The following SMAD7 variants were observed in gnomAD, a reference collection of about 807,000 sequenced individuals.
The protein encoded by SMAD7 is MAD (mothers against decapentaplegic, Drosophila) homolog 7.
Under a neutral mutation model 38.7 loss-of-function variants are expected in SMAD7, and 8 were observed. That is an observed-to-expected ratio of 0.21 (90% CI 0.12 to 0.37). The LOEUF (loss-of-function observed/expected upper bound fraction) is 0.37, where lower values mean the gene tolerates loss of function less well. SMAD7 is among the 10% of genes least tolerant of loss of function. The probability of loss-of-function intolerance (pLI) is 1.00; values close to 1 mark genes in which losing one functional copy is unlikely to be tolerated. For missense variants in SMAD7, 477 were observed against 577.9 expected (o/e 0.83, Z 1.79); for synonymous variants, 327 against 265.1 (o/e 1.23, Z -2.27).
intron 2 of SMAD7, among the ~76,000 whole-genome samples, chr18:48,946,710 C>T (rs1371802893): frequency 6.6e-6 from 1 of 152,194 alleles, no homozygotes; most frequent in Non-Finnish European, 1.5e-5. Context: ...TGTTTACACA[C>T]ATTTTGCTAC....
intron 3 of SMAD7, among the ~76,000 whole-genome samples, chr18:48,930,395 A>AACT (rs879814050): frequency 7.9e-5 from 12 of 152,122 alleles, no homozygotes; most frequent in Middle Eastern, 6.8e-3. Context: ...ACCTCCAGTT[A>AACT]GGAGGTCAAG....
chr18:48,938,425 C>T lies in SMAD7; in HGVS notation c.742+4056G>A, dbSNP rs1201769179. ...AGTTTCCCAGGACACGTGAGCACTT[C>T]TGTCTCCACTGCCTCCTACCTCCCT... On this transcript the variant is annotated intron_variant, in intron 3 of 3. Transcript: ENST00000262158. Among the ~76,000 whole-genome samples the T allele has an allele frequency of 2.0e-5, 3 of 152,238 alleles. No homozygotes were observed. In the East Asian group the frequency reaches 5.8e-4, roughly 29 times the overall value.
At position 48,920,144 on chromosome 18, in the gene SMAD7, G is replaced by C. The variant is rs1035231577; in HGVS notation, c.*1228C>G. ...CATTTTTTTCTTTAATAAATCTCAG[G>C]TTTTTTTTCAGGAGTCCTTTCTCTC... On this transcript the variant is annotated 3_prime_UTR_variant, in exon 4 of 4. Coordinates refer to ENST00000262158, the MANE Select transcript of SMAD7 (RefSeq NM_005904.4). 2.6e-5 allele frequency: 4 copies of C among 151,292 alleles called. No individual in the cohort carries two copies. Among genetic ancestry groups the C allele is most frequent in the African/African-American group, 9.8e-5 (4 of 41,000 alleles). The allele number at this position is 151,292 out of a possible 1,614,324, so 9.4% of individuals were successfully genotyped here. A position where few individuals can be genotyped will look rare whatever the true frequency, so the allele number is the denominator to read the frequency against.
Position 48,921,832 on chromosome 18 carries a change from C to T in SMAD7, c.821G>A (p.Gly274Glu). Residue 274 changes from glycine to glutamate, a missense_variant, in exon 4 of 4, where the codon GGG becomes GAG. Transcript: ENST00000262158. The surrounding 1 kb of genome is among the most constrained non-coding windows in gnomAD (Gnocchi z 6.4). The stretch of plus-strand genomic sequence containing the variant: ...GGGCTCCTGGACACAGTAGAGCCTC[C>T]CCACTCTCGTCTTCTCCTCCCAGTA... ...VAYWEEKTRV[G>E]RLYCVQEPSL... 6.2e-7 allele frequency: 1 copy of T among 1,613,918 alleles called. No individual in the cohort carries two copies. The highest frequency in any genetic ancestry group is 8.5e-7 in the Non-Finnish European group (1 of 1,179,950).
rs961036154 is a variant in SMAD7, at chr18:48,920,970, G to A, written c.*402C>T. ...ATAAGAGACACAAAACAAAGAGCACGTTGTCTCCCCATCTGCCGCTCCTGC... is the reference window on the plus strand; with the variant it reads ...ATAAGAGACACAAAACAAAGAGCACATTGTCTCCCCATCTGCCGCTCCTGC... On this transcript the variant is annotated 3_prime_UTR_variant, in exon 4 of 4. Coordinates refer to ENST00000262158, the MANE Select transcript of SMAD7 (RefSeq NM_005904.4). The A allele has an allele frequency of 1.5e-4, 27 of 183,466 alleles. No individual in the cohort carries two copies. The highest frequency in any genetic ancestry group is 7.3e-4 in the Admixed American group (13 of 17,782). The allele number at this position is 183,466 out of a possible 1,614,324, so 11.4% of individuals were successfully genotyped here. A position where few individuals can be genotyped will look rare whatever the true frequency, so the allele number is the denominator to read the frequency against.
At chr18:48,923,846 T>A (rs142447318) in intron 3 of SMAD7, among the ~76,000 whole-genome samples, 2 of 152,138 alleles carry the variant, frequency 1.3e-5, no homozygotes, top group Non-Finnish European at 2.9e-5. Context: ...TGTGTGCACA[T>A]ACGTACTGGA....
At chr18:48,932,055 G>A (rs2070008866) in intron 3 of SMAD7, among the ~76,000 whole-genome samples, 1 of 152,166 alleles carries the variant, frequency 6.6e-6, no homozygotes. Context: ...ACGGTATGGT[G>A]CACTCAGATC....
chr18:48,949,919 C>T lies in SMAD7; in HGVS notation c.506G>A (p.Arg169Lys), dbSNP rs754033613. The T allele has an allele frequency of 6.2e-7, 1 of 1,613,712 alleles. No individual in the cohort carries two copies. Among genetic ancestry groups the T allele is most frequent in the Admixed American group, 1.7e-5 (1 of 60,014 alleles). ...CAGCCTCTTGACTTCCGAGGAATGC[C>T]TGAGATCCGGCCACCTGAACACTTT... ...LCKVFRWPDL[R>K]HSSEVKRLCC... Residue 169 changes from arginine (R) to lysine (K), a missense_variant, in exon 1 of 4, where the codon AGG becomes AAG. This residue lies in a region of SMAD7 where 376 missense variants were observed against 379.4 expected (regional missense o/e 0.99). Transcript: ENST00000262158.
Position 48,949,951 on chromosome 18 carries a change from C to A in SMAD7, c.474G>T (p.Leu158=), listed in dbSNP as rs1230758376. 2.5e-6 allele frequency: 4 copies of A among 1,611,910 alleles called. No individual in the cohort carries two copies. Among genetic ancestry groups the A allele is most frequent in the Non-Finnish European group, 3.4e-6 (4 of 1,179,374 alleles). Residue 158 remains leucine, a synonymous_variant, in exon 1 of 4, where the codon CTG becomes CTT. Coordinates refer to ENST00000262158, the MANE Select transcript of SMAD7 (RefSeq NM_005904.4). ...CCGGCCACCTGAACACTTTGCACAG[C>A]AGGAGGGGGAGCGAGTAGGACGAGG... ...QPPSSYSLPL[L]LCKVFRWPDL...
chr18:48,925,453 T>C (rs115479324), intron 3 of SMAD7, among the ~76,000 whole-genome samples: 2,196 of 151,362 alleles, frequency 0.015, 58 homozygotes, highest in African/African-American at 0.051. Context: ...ACCTTCCCCA[T>C]TTCCCTTAAA....
intron 3 of SMAD7, among the ~76,000 whole-genome samples, chr18:48,939,457 C>T (rs1412690287): frequency 1.3e-5 from 2 of 151,238 alleles, no homozygotes; most frequent in African/African-American, 4.9e-5. Flanking sequence ...GGCTCCTACC[C>T]GCCCACTCCC....
chr18:48,929,819 C>T (rs902291475), intron 3 of SMAD7, among the ~76,000 whole-genome samples: 9 of 152,010 alleles, frequency 5.9e-5, no homozygotes, highest in African/African-American at 1.9e-4. Context: ...TCACAGGACC[C>T]AAAGGCAGAC....
chr18:48,936,039 C>A lies in SMAD7; in HGVS notation c.742+6442G>T, dbSNP rs373037406. On this transcript the variant is annotated intron_variant, in intron 3 of 3. Coordinates refer to ENST00000262158, the MANE Select transcript of SMAD7 (RefSeq NM_005904.4). ...GTAGTGAGCCGAGATCACGCCACTG[C>A]CCTCCAGCCAGGGTGACAGAGTGAG... Among the ~76,000 whole-genome samples, 140 of 151,814 alleles carry A rather than the reference C, an allele frequency of 9.2e-4. 2 individuals carry two copies. In the South Asian group the frequency reaches 0.027, roughly 30 times the overall value.
intron 3 of SMAD7, among the ~76,000 whole-genome samples, chr18:48,939,999 C>G (rs891671517): frequency 6.6e-6 from 1 of 152,098 alleles, no homozygotes; most frequent in Non-Finnish European, 1.5e-5. Context: ...TTACAAAACT[C>G]TCTGCCCTGG....
At chr18:48,922,879 C>A (rs2069879417) in intron 3 of SMAD7, among the ~76,000 whole-genome samples, 1 of 152,160 alleles carries the variant, frequency 6.6e-6, no homozygotes, top group Non-Finnish European at 1.5e-5. Context: ...AGTCTTCCCA[C>A]AGGCAGCCTG....
At chr18:48,939,538 G>C (rs1474791568) in intron 3 of SMAD7, among the ~76,000 whole-genome samples, 1 of 151,980 alleles carries the variant, frequency 6.6e-6, no homozygotes, top group Non-Finnish European at 1.5e-5. Context: ...CTGCATTTCA[G>C]GAGAGGACCG....
chr18:48,921,906 G>A lies in SMAD7; in HGVS notation c.747C>T (p.Ser249=), dbSNP rs2069867295. Residue 249 remains serine (S), a synonymous_variant, in exon 4 of 4, where the codon TCC becomes TCT. Transcript: ENST00000262158. The surrounding 1 kb of genome is among the most constrained non-coding windows in gnomAD (Gnocchi z 6.4). ...NYLAPGGLSD[S]QLLLEPGDRS... ...GATCCCCAGGCTCCAGAAGAAGTTGGGAATCTAGAAAACACATTGGCAGAG... is the reference window on the plus strand; with the variant it reads ...GATCCCCAGGCTCCAGAAGAAGTTGAGAATCTAGAAAACACATTGGCAGAG... 7 of 1,598,760 alleles carry A rather than the reference G, an allele frequency of 4.4e-6. No homozygotes were observed. Among genetic ancestry groups the A allele is most frequent in the Non-Finnish European group, 6.0e-6 (7 of 1,176,102 alleles).
At chr18:48,940,461 C>T (rs1599231929) in intron 3 of SMAD7, among the ~76,000 whole-genome samples, 2 of 152,214 alleles carry the variant, frequency 1.3e-5, no homozygotes, top group East Asian at 3.9e-4. Flanking sequence ...AAAAAAAGCC[C>T]ACCCATCGGC....
chr18:48,926,891 A>C (rs757947604), intron 3 of SMAD7, among the ~76,000 whole-genome samples: 4 of 152,242 alleles, frequency 2.6e-5, no homozygotes, highest in African/African-American at 7.2e-5. Context: ...GCCTAAGATA[A>C]AAGGGGACTC....
Sources: allele counts gnomAD v4.1 joint callset (sites outside exome capture counted in the v4.1 genomes callset), GRCh38; gene constraint gnomAD v4.1.1; regional missense constraint gnomAD v4.1.1; non-coding constraint Gnocchi (gnomAD v3.1); transcripts MANE v1.5; gene names NCBI Gene and HGNC (gene_info 2026-07-23, HGNC 2026-07-21).